The following ZNF521 variants were observed in gnomAD, a reference collection of about 807,000 sequenced individuals.
The protein encoded by ZNF521 is zinc finger protein 521, also known as LYST-interacting protein 3.
A neutral mutation model predicts 105.5 loss-of-function variants in ZNF521; 14 were observed. The ratio of observed to expected loss-of-function variants is 0.13; its 90% CI spans 0.09 to 0.21. The LOEUF is 0.21. ZNF521 is among the 10% of genes least tolerant of loss of function. ZNF521 has a pLI of 1.00. For synonymous variants in ZNF521, 635 were observed against 606.0 expected, an observed-to-expected ratio of 1.05 and a Z score of -0.70; for missense variants, 1,233 against 1,629.7, an observed-to-expected ratio of 0.76 and a Z score of 4.19.
chr18:25,322,201 A>G lies in ZNF521; in HGVS notation c.41-14T>C. The stretch of plus-strand genomic sequence containing the variant: ...TACAGTTGGGGTCTGAAAAATATCA[A>G]CACTGTAAGTATGGGGTTTAAAGAC... On this transcript the variant is annotated splice_polypyrimidine_tract_variant and intron_variant, in intron 2 of 7. Coordinates refer to ENST00000361524, the MANE Select transcript of ZNF521 (RefSeq NM_015461.3). 1.2e-6 allele frequency: 2 copies of G among 1,613,194 alleles called. No homozygotes were observed. Among genetic ancestry groups the G allele is most frequent in the East Asian group, 2.2e-5 (1 of 44,876 alleles).
At chr18:25,250,089 C>T (rs983169140) in intron 3 of ZNF521, among the ~76,000 whole-genome samples, 1 of 152,122 alleles carries the variant, frequency 6.6e-6, no homozygotes, top group African/African-American at 2.4e-5. Context: ...CAGGTGCCCG[C>T]CACCACTCCC....
chr18:25,224,741 C>T lies in ZNF521; in HGVS notation c.3177G>A (p.Gln1059=), dbSNP rs1905988483. ...CGCACTTATACAGTTTTTGGACGTG[C>T]TGGCCCCGCCCTGTGGTCTGAACTG... The part of the protein sequence containing the change: ...GSAVQTTGRG[Q]HVQKLYKCAS... Residue 1059 remains glutamine (Q), a synonymous_variant, in exon 4 of 8, where the codon CAG becomes CAA. Coordinates refer to ENST00000361524, the MANE Select transcript of ZNF521 (RefSeq NM_015461.3). 1.2e-6 allele frequency: 2 copies of T among 1,613,972 alleles called. No individual in the cohort carries two copies. Among genetic ancestry groups the T allele is most frequent in the Admixed American group, 1.7e-5 (1 of 60,018 alleles).
intron 5 of ZNF521, among the ~76,000 whole-genome samples, chr18:25,104,800 T>C (rs997577580): frequency 6.6e-6 from 1 of 151,694 alleles, no homozygotes; most frequent in African/African-American, 2.4e-5. Flanking sequence ...GAAACAAGAG[T>C]GGGTAAATAG....
intron 3 of ZNF521, among the ~76,000 whole-genome samples, chr18:25,318,239 T>C (rs186773367): frequency 3.4e-4 from 52 of 152,284 alleles, no homozygotes; most frequent in African/African-American, 1.2e-3. Context: ...GCCGTACAAT[T>C]TCATTTACAA....
chr18:25,130,946 AAATCAATCAATC>A (rs56985443), intron 5 of ZNF521, among the ~76,000 whole-genome samples: 4 of 150,826 alleles, frequency 2.7e-5, no homozygotes, highest in East Asian at 3.9e-4. Flanking sequence ...CTGTCTCTAA[AAATCAATCAATC>A]AATCAATCAA....
intron 3 of ZNF521, among the ~76,000 whole-genome samples, chr18:25,299,428 C>G (rs1258623242): frequency 6.6e-6 from 1 of 152,240 alleles, no homozygotes; most frequent in South Asian, 2.1e-4. Flanking sequence ...ATTCTGAATA[C>G]AAACAGAATT....
intron 3 of ZNF521, among the ~76,000 whole-genome samples, chr18:25,317,852 CA>C (rs1404946964): frequency 2.0e-5 from 3 of 152,126 alleles, no homozygotes; most frequent in African/African-American, 7.2e-5. Flanking sequence ...GTACGTACGA[CA>C]ACCAGAATTC....
chr18:25,214,049 C>G (rs2036238873), intron 4 of ZNF521, among the ~76,000 whole-genome samples: 1 of 152,042 alleles, frequency 6.6e-6, no homozygotes, highest in African/African-American at 2.4e-5. Context: ...ATATCACTCA[C>G]CAGGATAACC....
Position 25,225,119 on chromosome 18 carries a change from G to T in ZNF521, c.2799C>A (p.Asn933Lys). ...CGGAGAAGAAGGTTCGAGAGCACAC[G>T]TTGCACTTGTAATTCCCTTTAATGA... The part of the protein sequence containing the change: ...AELIKGNYKC[N>K]VCSRTFFSEN... The change falls in exon 4 of 8, where the codon AAC becomes AAA. Residue 933 changes from asparagine (N) to lysine (K), a missense_variant. Physicochemically the swap from Asn to Lys is moderately conservative, Grantham distance 94. Around this residue, in one of 6 missense-constraint regions of ZNF521, gnomAD observed 614 missense variants for 751.5 expected, o/e 0.82. Coordinates refer to ENST00000361524, the MANE Select transcript of ZNF521 (RefSeq NM_015461.3). This position sits in a 1 kb window ranked among gnomAD's most constrained non-coding sequence, Gnocchi z 5.6. 6.2e-7 allele frequency: 1 copy of T among 1,614,170 alleles called. No individual in the cohort carries two copies. The highest frequency in any genetic ancestry group is 8.5e-7 in the Non-Finnish European group (1 of 1,180,020).
chr18:25,273,959 T>C (rs931013171), intron 3 of ZNF521, among the ~76,000 whole-genome samples: 3 of 152,148 alleles, frequency 2.0e-5, no homozygotes, highest in African/African-American at 7.2e-5. Context: ...AGTTCAGAGG[T>C]ATCATCTCAC....
At chr18:25,099,430 A>T (rs2033920523) in intron 5 of ZNF521, among the ~76,000 whole-genome samples, 1 of 152,210 alleles carries the variant, frequency 6.6e-6, no homozygotes, top group African/African-American at 2.4e-5. Context: ...ATAAAGCATT[A>T]ACAAAGTAGC....
chr18:25,308,856 AGT>A (rs1003924068), intron 3 of ZNF521, among the ~76,000 whole-genome samples: 4 of 152,086 alleles, frequency 2.6e-5, no homozygotes, highest in African/African-American at 9.7e-5. Context: ...TGGTCTTCTT[AGT>A]GTAGCAAGAA....
intron 2 of ZNF521, among the ~76,000 whole-genome samples, chr18:25,334,260 G>A (rs1913751340): frequency 6.6e-6 from 1 of 152,138 alleles, no homozygotes; most frequent in South Asian, 2.1e-4. Context: ...AAAAGGAGAG[G>A]GAACTCAGAT....
In ZNF521 at chr18:25,113,800, G is replaced by A. The variant is rs568613006; in HGVS notation, c.3659-21719C>T. 8.6e-3 allele frequency among the ~76,000 whole-genome samples: 386 copies of A among 44,666 alleles called. 1 individual carries two copies. The highest frequency in any genetic ancestry group is 0.012 in the Non-Finnish European group (258 of 21,030). 29.3% of individuals were successfully genotyped at this position (44,666 alleles called of 152,430 possible). Reference sequence around the variant, plus strand: ...CACACACACACACACACACAGAGACGGGGGAGAGAGCAGGGCCTTACAGAA... The same window carrying A: ...CACACACACACACACACACAGAGACAGGGGAGAGAGCAGGGCCTTACAGAA... On this transcript the variant is annotated intron_variant, in intron 5 of 7. Transcript: ENST00000361524.
chr18:25,249,876 T>G (rs574568216), intron 3 of ZNF521, among the ~76,000 whole-genome samples: 1 of 152,332 alleles, frequency 6.6e-6, no homozygotes, highest in South Asian at 2.1e-4. Context: ...ACAATCATAC[T>G]CTGAAATAAC....
chr18:25,318,943 G>GA lies in ZNF521; in HGVS notation c.220+3064dup, dbSNP rs1299458275. On this transcript the variant is annotated intron_variant, in intron 3 of 7. Coordinates refer to ENST00000361524, the MANE Select transcript of ZNF521 (RefSeq NM_015461.3). The stretch of plus-strand genomic sequence containing the variant: ...CCTTTGTCCTCATAAAGAACCAGGA[G>GA]AAAAAAAAGAAAAAAAAAAAAGAAA... 2.2e-5 allele frequency among the ~76,000 whole-genome samples: 3 copies of GA among 136,554 alleles called. No homozygotes were observed. The Admixed American group carries it at 2.2e-4, about 10-fold the overall frequency. The allele number at this position is 136,554 out of a possible 152,430, so 89.6% of individuals were successfully genotyped here.
chr18:25,100,972 G>T lies in ZNF521; in HGVS notation c.3659-8891C>A, dbSNP rs74836346. On this transcript the variant is annotated intron_variant, in intron 5 of 7. Coordinates refer to ENST00000361524, the MANE Select transcript of ZNF521 (RefSeq NM_015461.3). Reference sequence around the variant, plus strand: ...TGTCATGCTGCCAGAAGGCAGAGGAGCATTCTGGCCTGGCTGTTCTGTGGC... The same window carrying T: ...TGTCATGCTGCCAGAAGGCAGAGGATCATTCTGGCCTGGCTGTTCTGTGGC... 3.1e-3 allele frequency among the ~76,000 whole-genome samples: 473 copies of T among 152,266 alleles called. 2 individuals are homozygous for T. Among genetic ancestry groups the T allele is most frequent in the African/African-American group, 0.01 (426 of 41,560 alleles).
chr18:25,202,620 A>G (rs928753726), intron 4 of ZNF521: 2 of 152,222 alleles, frequency 1.3e-5, no homozygotes, highest in African/African-American at 4.8e-5. Context: ...ATAGCAATAT[A>G]CATTACCATC....
intron 6 of ZNF521, among the ~76,000 whole-genome samples, chr18:25,090,759 G>A (rs1244735885): frequency 6.6e-6 from 1 of 152,170 alleles, no homozygotes; most frequent in South Asian, 2.1e-4. Flanking sequence ...GGTCTTAATC[G>A]TGAGGTGACC....
Sources: allele counts gnomAD v4.1 joint callset (sites outside exome capture counted in the v4.1 genomes callset), GRCh38; gene constraint gnomAD v4.1.1; regional missense constraint gnomAD v4.1.1; non-coding constraint Gnocchi (gnomAD v3.1); transcripts MANE v1.5; gene names NCBI Gene and HGNC (gene_info 2026-07-23, HGNC 2026-07-21).